COL25A1: variants seen among roughly 807,000 people sequenced by gnomAD.
COL25A1 encodes the protein collagen type XXV alpha 1 chain, also known as collagen alpha-1(XXV) chain.
Under a neutral mutation model 128.4 loss-of-function variants are expected in COL25A1, and 103 were observed. The ratio of observed to expected loss-of-function variants is 0.80; its 90% CI spans 0.68 to 0.94. COL25A1 has a LOEUF of 0.94. Ranked by LOEUF, COL25A1 falls within the 40% of genes least tolerant of loss-of-function variation. The pLI is 0.00. For synonymous variants in COL25A1, 279 were observed against 277.2 expected, an observed-to-expected ratio of 1.01 and a Z score of -0.06; for missense variants, 745 against 840.0, an observed-to-expected ratio of 0.89 and a Z score of 1.40.
intron 11 of COL25A1, among the ~76,000 whole-genome samples, chr4:108,921,978 A>G (rs539739883): frequency 3.3e-4 from 50 of 152,226 alleles, no homozygotes; most frequent in African/African-American, 1.1e-3. Flanking sequence ...CATCAAACCA[A>G]ACGTATGTGT....
At chr4:108,827,097 T>C (rs1455116575) in intron 33 of COL25A1, 38 bp downstream of exon 33, 2 of 1,594,972 alleles carry the variant, frequency 1.3e-6, no homozygotes, top group Non-Finnish European at 1.7e-6. Context: ...CATCTATGCA[T>C]GCGGAAGGTG....
chr4:109,244,767 T>C (rs1780149643), intron 3 of COL25A1, among the ~76,000 whole-genome samples: 1 of 152,154 alleles, frequency 6.6e-6, no homozygotes. Context: ...GTCTGGGTAG[T>C]GCGTTGCCTC....
At chr4:109,120,489 A>G (rs1768013881) in intron 3 of COL25A1, among the ~76,000 whole-genome samples, 1 of 152,126 alleles carries the variant, frequency 6.6e-6, no homozygotes, top group East Asian at 1.9e-4. Context: ...TATTCCAACA[A>G]TAAGTAAGAA....
At chr4:108,863,241 G>T in intron 21 of COL25A1, 78 bp downstream of exon 21, 1 of 1,365,662 alleles carries the variant, frequency 7.3e-7, no homozygotes, top group Non-Finnish European at 1.0e-6. Context: ...TACCTGTTAA[G>T]AATGTTGTTT....
At chr4:109,042,609 C>G (rs994783201) in intron 5 of COL25A1, among the ~76,000 whole-genome samples, 3 of 152,000 alleles carry the variant, frequency 2.0e-5, no homozygotes, top group African/African-American at 7.3e-5. Context: ...TGATAATACC[C>G]TGCTATTATA....
At chr4:109,131,071 C>T (rs1355638060) in intron 3 of COL25A1, among the ~76,000 whole-genome samples, 1 of 152,028 alleles carries the variant, frequency 6.6e-6, no homozygotes, top group Non-Finnish European at 1.5e-5. Flanking sequence ...CAAATAATTT[C>T]ACAATAAGAT....
chr4:108,834,862 A>G (rs1196861338), intron 31 of COL25A1, among the ~76,000 whole-genome samples: 1 of 152,216 alleles, frequency 6.6e-6, no homozygotes, highest in Non-Finnish European at 1.5e-5. Context: ...TATACTTGTT[A>G]AAACAGTATT....
chr4:109,252,082 G>A (rs2346028), intron 3 of COL25A1, among the ~76,000 whole-genome samples: 45,261 of 152,188 alleles, frequency 0.3, 7,008 homozygotes, highest in Middle Eastern at 0.38. Context: ...AATGCTGTGT[G>A]TATGCTGCTA....
chr4:109,185,657 T>C (rs1006296229), intron 3 of COL25A1, among the ~76,000 whole-genome samples: 14 of 152,298 alleles, frequency 9.2e-5, no homozygotes, highest in African/African-American at 3.1e-4. Context: ...TATTTGGAGA[T>C]AGGGCTTCTA....
In COL25A1 at chr4:109,136,211, A is replaced by C. The variant is rs577561915; in HGVS notation, c.368-86032T>G. Among the ~76,000 whole-genome samples the C allele has an allele frequency of 2.0e-3, 308 of 152,270 alleles. 4 individuals carry two copies. The highest frequency in any genetic ancestry group is 6.8e-3 in the African/African-American group (282 of 41,570). On this transcript the variant is annotated intron_variant, in intron 3 of 37. Transcript: ENST00000399132. ...TCAGGAGTTCGAGACCAGCCTGGCC[A>C]ACATGGTGAAACCCTGTCTCTACTA...
chr4:109,101,132 T>C (rs536721516), intron 3 of COL25A1, among the ~76,000 whole-genome samples: 1 of 152,306 alleles, frequency 6.6e-6, no homozygotes, highest in East Asian at 1.9e-4. Flanking sequence ...GATGAGAGTA[T>C]TATTGTTGAT....
At chr4:108,859,971 A>C (rs1032299172) in intron 23 of COL25A1, among the ~76,000 whole-genome samples, 1 of 152,332 alleles carries the variant, frequency 6.6e-6, no homozygotes, top group Non-Finnish European at 1.5e-5. Context: ...CTGATAAAAA[A>C]TACGATTTAA....
At chr4:109,083,447 A>ATTTTTTTTTT (rs1560659110) in intron 3 of COL25A1, among the ~76,000 whole-genome samples, 1 of 124,344 alleles carries the variant, frequency 8.0e-6, no homozygotes, top group African/African-American at 3.3e-5. Flanking sequence ...ACACTAAATA[A>ATTTTTTTTTT]ATTTTTTTTT....
At chr4:108,935,092 T>C (rs1375146431) in intron 11 of COL25A1, among the ~76,000 whole-genome samples, 1 of 152,178 alleles carries the variant, frequency 6.6e-6, no homozygotes, top group Admixed American at 6.5e-5. Flanking sequence ...ATCAGAATGA[T>C]GTAGTTTTAA....
intron 3 of COL25A1, among the ~76,000 whole-genome samples, chr4:109,218,382 T>G (rs200152899): frequency 0.069 from 9,005 of 130,806 alleles, 403 homozygotes; most frequent in African/African-American, 0.19. Flanking sequence ...TTTTTTTTTT[T>G]GCTTTTGAAC....
chr4:108,985,326 C>T (rs1753562707), intron 6 of COL25A1, among the ~76,000 whole-genome samples: 1 of 152,172 alleles, frequency 6.6e-6, no homozygotes, highest in African/African-American at 2.4e-5. Context: ...CTCCTCCATG[C>T]TCTTCGAACA....
chr4:109,277,353 T>A (rs897669968), intron 3 of COL25A1, among the ~76,000 whole-genome samples: 2 of 152,192 alleles, frequency 1.3e-5, no homozygotes, highest in African/African-American at 4.8e-5. Context: ...TTAGAGCTTT[T>A]GTTAAAAGTC....
At chr4:109,258,094 T>C (rs1781192467) in intron 3 of COL25A1, among the ~76,000 whole-genome samples, 1 of 152,142 alleles carries the variant, frequency 6.6e-6, no homozygotes, top group South Asian at 2.1e-4. Context: ...TGCCTTTCCA[T>C]CCTTCCTGCT....
At chr4:108,824,066 C>T in intron 35 of COL25A1, 108 bp downstream of exon 35, 1 of 1,613,112 alleles carries the variant, frequency 6.2e-7, no homozygotes, top group South Asian at 1.1e-5. Flanking sequence ...GTTTTTGGAG[C>T]ACAGGATGGA....
Sources: allele counts gnomAD v4.1 joint callset (sites outside exome capture counted in the v4.1 genomes callset), GRCh38; gene constraint gnomAD v4.1.1; transcripts MANE v1.5; gene names NCBI Gene and HGNC (gene_info 2026-07-23, HGNC 2026-07-21).